Variants in FRAS1 observed in about 807,000 individuals in gnomAD.
The protein encoded by FRAS1 is extracellular matrix organizing protein FRAS1.
Under a neutral mutation model 435.2 loss-of-function variants are expected in FRAS1, and 290 were observed. That is an observed-to-expected ratio of 0.67 (90% CI 0.61 to 0.73). The LOEUF (loss-of-function observed/expected upper bound fraction) is 0.73, where lower values mean the gene tolerates loss of function less well. FRAS1 is among the 30% of genes least tolerant of loss of function. The pLI is 0.00. For missense variants in FRAS1, 4,860 were observed against 5,001.5 expected, an observed-to-expected ratio of 0.97 and a Z score of 0.85; for synonymous variants, 1,800 against 1,851.0, an observed-to-expected ratio of 0.97 and a Z score of 0.71.
chr4:78,487,108 TCC>T (rs1396733698), intron 58 of FRAS1, among the ~76,000 whole-genome samples: 1 of 152,178 alleles, frequency 6.6e-6, no homozygotes, highest in Non-Finnish European at 1.5e-5. Flanking sequence ...TTCCTTCTTG[TCC>T]TCCTATGCTG....
intron 34 of FRAS1, among the ~76,000 whole-genome samples, chr4:78,423,395 GACC>G (rs1411294317): frequency 1.3e-5 from 2 of 151,906 alleles, no homozygotes; most frequent in Admixed American, 1.3e-4. Flanking sequence ...TTGAACTCCT[GACC>G]TCGTGATCCA....
chr4:78,452,085 C>A, intron 46 of FRAS1, 90 bp from the exon 47 acceptor site: 1 of 1,418,318 alleles, frequency 7.1e-7, no homozygotes, highest in Non-Finnish European at 9.9e-7. Flanking sequence ...CTAGAGATGA[C>A]TCTGACCTTA....
intron 30 of FRAS1, among the ~76,000 whole-genome samples, chr4:78,401,427 C>T (rs1578300396): frequency 6.6e-6 from 1 of 152,170 alleles, no homozygotes; most frequent in African/African-American, 2.4e-5. Flanking sequence ...GTGTTCGTAG[C>T]TGACTTCCCA....
chr4:78,435,058 A>G (rs1734362343), intron 38 of FRAS1, among the ~76,000 whole-genome samples: 1 of 152,186 alleles, frequency 6.6e-6, no homozygotes, highest in African/African-American at 2.4e-5. Flanking sequence ...AAGAAAGAAC[A>G]CCAGCCTGGA....
chr4:78,448,117 C>T lies in FRAS1; in HGVS notation c.6075C>T (p.Gly2025=). The part of the protein sequence containing the change: ...PLENGRVLVQ[G]STFTYQDILA... ...AGAATGGGAGAGTTTTAGTCCAGGG[C>T]TCAACCTTCACCTACCAGGATATCC... The change falls in exon 44 of 74, where the codon GGC becomes GGT. Residue 2025 remains glycine (G), a synonymous_variant. Coordinates refer to ENST00000512123, the MANE Select transcript of FRAS1 (RefSeq NM_025074.7). 1 of 1,613,632 alleles carries T rather than the reference C, an allele frequency of 6.2e-7. No homozygotes were observed. Among genetic ancestry groups the T allele is most frequent in the South Asian group, 1.1e-5 (1 of 90,996 alleles).
intron 69 of FRAS1, among the ~76,000 whole-genome samples, chr4:78,524,619 G>A (rs1721478356): frequency 1.3e-5 from 2 of 152,172 alleles, no homozygotes; most frequent in African/African-American, 2.4e-5. Flanking sequence ...AAGTAGGACC[G>A]AAGGCTTGGG....
intron 2 of FRAS1, among the ~76,000 whole-genome samples, chr4:78,133,391 G>GA (rs1035930463): frequency 1.1e-4 from 17 of 151,552 alleles, no homozygotes; most frequent in African/African-American, 3.1e-4. Context: ...AGTGGGGTGG[G>GA]AGGGAGGTAG....
chr4:78,117,734 T>A (rs533840917), intron 2 of FRAS1, among the ~76,000 whole-genome samples: 1 of 152,118 alleles, frequency 6.6e-6, no homozygotes, highest in Non-Finnish European at 1.5e-5. Flanking sequence ...ATTCATCTAA[T>A]TTTTTTTTCA....
At chr4:78,097,669 C>T (rs942345815) in intron 2 of FRAS1, among the ~76,000 whole-genome samples, 1 of 152,038 alleles carries the variant, frequency 6.6e-6, no homozygotes, top group Admixed American at 6.5e-5. Context: ...TATCATAGAA[C>T]AGCATGGAAA....
chr4:78,362,475 G>A (rs769158864), intron 20 of FRAS1, among the ~76,000 whole-genome samples: 20 of 152,206 alleles, frequency 1.3e-4, no homozygotes, highest in Non-Finnish European at 2.5e-4. Context: ...TGGCCACTCC[G>A]GGCATTGACA....
intron 30 of FRAS1, among the ~76,000 whole-genome samples, chr4:78,403,392 C>G (rs1360723986): frequency 1.3e-5 from 2 of 152,166 alleles, no homozygotes; most frequent in African/African-American, 4.8e-5. Flanking sequence ...CATGATCTTT[C>G]CGTGTATCCA....
chr4:78,160,024 A>G (rs2110022697), intron 2 of FRAS1, among the ~76,000 whole-genome samples: 1 of 152,296 alleles, frequency 6.6e-6, no homozygotes, highest in South Asian at 2.1e-4. Flanking sequence ...ATCATCTCCA[A>G]CCTCTTATCC....
chr4:78,357,651 C>T (rs1432520316), intron 20 of FRAS1, among the ~76,000 whole-genome samples: 2 of 152,052 alleles, frequency 1.3e-5, no homozygotes, highest in African/African-American at 4.8e-5. Context: ...CCTGTAATCC[C>T]ATCACTTTGG....
chr4:78,448,409 G>A, intron 44 of FRAS1, 93 bp downstream of exon 44: 2 of 1,229,610 alleles, frequency 1.6e-6, no homozygotes, highest in Non-Finnish European at 2.2e-6. Context: ...TTAGTGATGT[G>A]GGTGCATCTT....
At chr4:78,530,433 T>G (rs1721675533) in intron 70 of FRAS1, among the ~76,000 whole-genome samples, 1 of 152,064 alleles carries the variant, frequency 6.6e-6, no homozygotes, top group Non-Finnish European at 1.5e-5. Flanking sequence ...AGGCTTAACC[T>G]TGGATCCCCT....
chr4:78,285,483 G>T (rs905303728), intron 13 of FRAS1, among the ~76,000 whole-genome samples: 13 of 150,106 alleles, frequency 8.7e-5, no homozygotes, highest in African/African-American at 2.9e-4. Context: ...CCAGGCTGGA[G>T]TGTGGTGGCA....
At chr4:78,374,021 C>A in intron 24 of FRAS1, 90 bp from the exon 25 acceptor site, 1 of 1,310,570 alleles carries the variant, frequency 7.6e-7, no homozygotes, top group Non-Finnish European at 1.0e-6. Flanking sequence ...GGCTGTACTG[C>A]TGCTGGACAT....
intron 59 of FRAS1, among the ~76,000 whole-genome samples, chr4:78,489,845 C>G (rs1720288167): frequency 6.6e-6 from 1 of 151,624 alleles, no homozygotes; most frequent in Non-Finnish European, 1.5e-5. Context: ...AAACATATAT[C>G]CCAGTATAGG....
At chr4:78,124,167 G>C (rs1719200515) in intron 2 of FRAS1, among the ~76,000 whole-genome samples, 1 of 152,170 alleles carries the variant, frequency 6.6e-6, no homozygotes, top group Non-Finnish European at 1.5e-5. Context: ...AGTTTATTGA[G>C]AGTTTTTGGC....
Sources: allele counts gnomAD v4.1 joint callset (sites outside exome capture counted in the v4.1 genomes callset), GRCh38; gene constraint gnomAD v4.1.1; transcripts MANE v1.5; gene names NCBI Gene and HGNC (gene_info 2026-07-23, HGNC 2026-07-21).